RANBP2: variants seen among roughly 807,000 people sequenced by gnomAD.
RANBP2 encodes the protein RAN binding protein 2.
Under a neutral mutation model 303.6 loss-of-function variants are expected in RANBP2, and 57 were observed. The observed-to-expected ratio is 0.19, with a 90% CI of 0.15 to 0.23. The LOEUF (loss-of-function observed/expected upper bound fraction) is 0.23. RANBP2 is among the 10% of genes least tolerant of loss of function. The pLI, the probability that RANBP2 is intolerant of heterozygous loss-of-function variation, is 1.00. For synonymous variants in RANBP2, 1,167 were observed against 1,301.5 expected (o/e 0.90, Z 2.23); for missense variants, 3,138 against 3,780.8 (o/e 0.83, Z 4.46).
the RANBP2 span, among the ~76,000 whole-genome samples, chr2:109,190,826 GTTCAA>G: frequency 6.6e-6 from 1 of 151,938 alleles, no homozygotes; most frequent in Non-Finnish European, 1.5e-5. Context: ...TTTAAGGAGT[GTTCAA>G]TTCAGAAAAC....
the RANBP2 span, among the ~76,000 whole-genome samples, chr2:109,350,919 G>A: frequency 6.6e-6 from 1 of 152,252 alleles, no homozygotes; most frequent in Non-Finnish European, 1.5e-5. Flanking sequence ...CCTTTATACA[G>A]CATCACTGTG....
chr2:109,477,071 G>C, the RANBP2 span, among the ~76,000 whole-genome samples: 1 of 152,164 alleles, frequency 6.6e-6, no homozygotes, highest in South Asian at 2.1e-4. Context: ...AACTGTCTGG[G>C]AATGCACCCC....
chr2:109,256,317 G>A, the RANBP2 span, among the ~76,000 whole-genome samples: 1 of 152,230 alleles, frequency 6.6e-6, no homozygotes, highest in East Asian at 1.9e-4. Context: ...ACGCTGTGAC[G>A]TAGTCCTGGG....
the RANBP2 span, chr2:109,432,366 T>C: frequency 8.8e-7 from 1 of 1,139,624 alleles, no homozygotes; most frequent in Non-Finnish European, 1.2e-6. Flanking sequence ...CTCTGTAAAC[T>C]GCAGAGCCCC....
the RANBP2 span, among the ~76,000 whole-genome samples, chr2:108,857,431 C>A: frequency 3.4e-4 from 51 of 152,192 alleles, no homozygotes; most frequent in Middle Eastern, 6.8e-3. Flanking sequence ...TTAATAACAT[C>A]ACTAAAAAAT....
the RANBP2 span, among the ~76,000 whole-genome samples, chr2:109,327,503 T>C: frequency 0.08 from 12,185 of 152,266 alleles, 1,142 homozygotes; most frequent in African/African-American, 0.23. Flanking sequence ...AAGTACTTTG[T>C]CAAGTACTTG....
At chr2:109,036,607 GA>G in the RANBP2 span, among the ~76,000 whole-genome samples, 3 of 152,250 alleles carry the variant, frequency 2.0e-5, no homozygotes, top group African/African-American at 4.8e-5. Context: ...ATTTGATGCA[GA>G]AAAAAAGATT....
At chr2:108,832,557 G>T in the RANBP2 span, among the ~76,000 whole-genome samples, 5 of 152,102 alleles carry the variant, frequency 3.3e-5, no homozygotes, top group Non-Finnish European at 5.9e-5. Flanking sequence ...TTGTTGGTCA[G>T]GCTGGTCTGG....
the RANBP2 span, chr2:108,876,186 T>C: frequency 6.2e-7 from 1 of 1,613,480 alleles, no homozygotes; most frequent in Non-Finnish European, 8.5e-7. Flanking sequence ...TGTATTAATC[T>C]AAATTCAACT....
the RANBP2 span, among the ~76,000 whole-genome samples, chr2:109,031,243 G>A: frequency 6.6e-6 from 1 of 152,146 alleles, no homozygotes; most frequent in Non-Finnish European, 1.5e-5. Context: ...CAGCAGTGAG[G>A]GGGGCCTGTT....
chr2:109,646,193 C>A, the RANBP2 span, among the ~76,000 whole-genome samples: 1 of 152,090 alleles, frequency 6.6e-6, no homozygotes, highest in South Asian at 2.1e-4. Flanking sequence ...ATCCGTAAGG[C>A]AAGACCTACT....
the RANBP2 span, among the ~76,000 whole-genome samples, chr2:109,093,884 C>G: frequency 7.9e-5 from 12 of 152,296 alleles, no homozygotes; most frequent in Admixed American, 6.5e-5. Flanking sequence ...CACCACAAAC[C>G]CCATTCTGGG....
chr2:109,241,655 C>T, the RANBP2 span, among the ~76,000 whole-genome samples: 2 of 152,274 alleles, frequency 1.3e-5, no homozygotes, highest in African/African-American at 4.8e-5. Flanking sequence ...CCCGCCTCGC[C>T]ATGGTGAGGG....
the RANBP2 span, among the ~76,000 whole-genome samples, chr2:108,813,122 G>A: frequency 1.3e-5 from 2 of 151,696 alleles, no homozygotes; most frequent in Non-Finnish European, 1.5e-5. Flanking sequence ...GGTGGCACAC[G>A]CCTGTAGTCC....
chr2:108,880,828 T>G, the RANBP2 span, among the ~76,000 whole-genome samples: 1 of 152,200 alleles, frequency 6.6e-6, no homozygotes, highest in African/African-American at 2.4e-5. Flanking sequence ...CATGGACATG[T>G]ACAAGATTAA....
At chr2:108,888,618 C>A in the RANBP2 span, among the ~76,000 whole-genome samples, 4 of 152,060 alleles carry the variant, frequency 2.6e-5, no homozygotes, top group African/African-American at 7.2e-5. Flanking sequence ...CCATAGTAGT[C>A]TCTGATGATA....
At chr2:109,518,913 ATCT>A in the RANBP2 span, among the ~76,000 whole-genome samples, 2 of 133,404 alleles carry the variant, frequency 1.5e-5, no homozygotes, top group Admixed American at 1.5e-4. Context: ...GGTGCTACAT[ATCT>A]TTTTTTTTTT....
chr2:109,119,674 A>C, the RANBP2 span, among the ~76,000 whole-genome samples: 1 of 152,262 alleles, frequency 6.6e-6, no homozygotes, highest in African/African-American at 2.4e-5. Flanking sequence ...TCTTAAGCCA[A>C]ATTAAAATAA....
the RANBP2 span, among the ~76,000 whole-genome samples, chr2:109,249,397 G>A: frequency 1.3e-5 from 2 of 152,184 alleles, no homozygotes; most frequent in African/African-American, 4.8e-5. Context: ...CCAAAGCTCA[G>A]AGGATCTGGA....
Sources: gnomAD v4.1 joint callset for allele counts (sites outside exome capture counted in the v4.1 genomes callset) on GRCh38, gnomAD v4.1.1 for gene constraint, MANE v1.5 for transcripts, NCBI Gene and HGNC (gene_info 2026-07-23, HGNC 2026-07-21) for gene names.